The following PLEKHA7 variants were observed in gnomAD, a reference collection of about 807,000 sequenced individuals.
PLEKHA7 encodes the protein pleckstrin homology domain containing A7.
Under a neutral mutation model 170.0 loss-of-function variants are expected in PLEKHA7, and 104 were observed. The ratio of observed to expected loss-of-function variants is 0.61; its 90% CI spans 0.52 to 0.72. PLEKHA7 has a LOEUF of 0.72. Among genes scored for constraint, PLEKHA7 ranks in the 30% least tolerant of loss-of-function variants. PLEKHA7 has a pLI of 0.00. For synonymous variants in PLEKHA7, 648 were observed against 660.8 expected (o/e 0.98, Z 0.30); for missense variants, 1,615 against 1,671.7 (o/e 0.97, Z 0.59).
rs1447720234 is a variant in PLEKHA7, at chr11:16,794,533, T to G, written c.2700A>C (p.Lys900Asn). The change falls in exon 19 of 27, where the codon AAA becomes AAC. Residue 900 changes from lysine (K) to asparagine (N), a missense_variant. By Grantham distance (94) the Lys-to-Asn change is moderately conservative. Coordinates refer to ENST00000531066, the MANE Select transcript of PLEKHA7 (RefSeq NM_001329630.2). Reference protein sequence around the residue: ...PYRPHPPQLRKVTSPLQSPTK... With the variant: ...PYRPHPPQLRNVTSPLQSPTK... ...TTGGTGACTGAAGGGGGGATGTCAC[T>G]TTCCTCAGCTGGGGTGGGTGAGGTC... 2 of 1,613,856 alleles carry G rather than the reference T, an allele frequency of 1.2e-6. No individual in the cohort carries two copies. Among genetic ancestry groups the G allele is most frequent in the Non-Finnish European group, 1.7e-6 (2 of 1,180,006 alleles).
intron 3 of PLEKHA7, among the ~76,000 whole-genome samples, chr11:16,970,301 A>C (rs1165734920): frequency 4.6e-5 from 7 of 152,302 alleles, no homozygotes; most frequent in Middle Eastern, 3.4e-3. Flanking sequence ...CTCAGCTTCC[A>C]ACCTTTATAA....
Position 16,846,497 on chromosome 11 carries a change from CT to C in PLEKHA7, c.696+4693del, listed in dbSNP as rs1852421603. On this transcript the variant is annotated intron_variant, in intron 8 of 26. Coordinates refer to ENST00000531066, the MANE Select transcript of PLEKHA7 (RefSeq NM_001329630.2). ...GGGTAAATTACTCAACCTCCTCATGCTTGTTTCCTCATATTTAAAATGGAAC... is the reference window on the plus strand; with the variant it reads ...GGGTAAATTACTCAACCTCCTCATGCTGTTTCCTCATATTTAAAATGGAAC... Among the ~76,000 whole-genome samples the C allele has an allele frequency of 2.6e-5, 4 of 152,246 alleles. No homozygotes were observed. The East Asian group carries it at 7.7e-4, about 29-fold the overall frequency.
intron 3 of PLEKHA7, among the ~76,000 whole-genome samples, chr11:16,897,305 C>T (rs1397315006): frequency 1.3e-5 from 2 of 152,164 alleles, no homozygotes; most frequent in East Asian, 1.9e-4. Context: ...GGGCGAGAGA[C>T]GTCATCATCT....
At chr11:16,982,780 TAC>T (rs35725815) in intron 3 of PLEKHA7, among the ~76,000 whole-genome samples, 3 of 144,118 alleles carry the variant, frequency 2.1e-5, no homozygotes, top group Admixed American at 7.0e-5. Context: ...CACTATCCCC[TAC>T]ACACACACAC....
intron 3 of PLEKHA7, among the ~76,000 whole-genome samples, chr11:16,898,876 C>A (rs1857153680): frequency 6.6e-6 from 1 of 152,212 alleles, no homozygotes; most frequent in South Asian, 2.1e-4. Context: ...TCACTCTGCT[C>A]TGCATGAACC....
At chr11:17,000,887 G>A (rs567692200) in intron 3 of PLEKHA7, among the ~76,000 whole-genome samples, 39 of 152,236 alleles carry the variant, frequency 2.6e-4, no homozygotes, top group African/African-American at 8.7e-4. Context: ...GGAATTCAGG[G>A]AGCCCTCTAG....
At chr11:17,012,034 T>C (rs1236925463) in intron 3 of PLEKHA7, among the ~76,000 whole-genome samples, 1 of 152,176 alleles carries the variant, frequency 6.6e-6, no homozygotes, top group Admixed American at 6.5e-5. Flanking sequence ...CACTACTCCC[T>C]GTCTACTGTG....
chr11:16,789,160 C>T lies in PLEKHA7; in HGVS notation c.3293G>A (p.Gly1098Glu), dbSNP rs770581826. The T allele has an allele frequency of 3.7e-6, 6 of 1,612,018 alleles. No homozygotes were observed. Among genetic ancestry groups the T allele is most frequent in the Non-Finnish European group, 4.2e-6 (5 of 1,180,044 alleles). The change falls in exon 23 of 27, where the codon GGG becomes GAG. Residue 1098 changes from glycine (G) to glutamate (E), a missense_variant. By Grantham distance (98) the Gly-to-Glu change is moderately conservative. Coordinates refer to ENST00000531066, the MANE Select transcript of PLEKHA7 (RefSeq NM_001329630.2). This position sits in a 1 kb window ranked among gnomAD's most constrained non-coding sequence, Gnocchi z 4.6. ...AGATGAGGGCAGGCCCGTCCTCTCC[C>T]CTTGGCCCAGTGTCCTCTTGCGCTC... ...VRERKRTLGQ[G>E]ERTGLPSSRY... is the part of the protein sequence containing the mutation.
intron 3 of PLEKHA7, among the ~76,000 whole-genome samples, chr11:16,960,746 G>A (rs960515435): frequency 1.3e-5 from 2 of 152,216 alleles, no homozygotes; most frequent in South Asian, 4.2e-4. Context: ...AAACAACAAC[G>A]ACTGTGTAAC....
At chr11:16,948,792 C>G (rs1292189423) in intron 3 of PLEKHA7, among the ~76,000 whole-genome samples, 1 of 152,192 alleles carries the variant, frequency 6.6e-6, no homozygotes, top group Non-Finnish European at 1.5e-5. Flanking sequence ...TTTAGCAGAA[C>G]TTGATCATGA....
chr11:16,825,908 G>A (rs982335935), intron 10 of PLEKHA7, among the ~76,000 whole-genome samples: 1 of 152,200 alleles, frequency 6.6e-6, no homozygotes, highest in African/African-American at 2.4e-5. Context: ...GCTGTGTGCT[G>A]TGGGCAGGTT....
chr11:16,865,516 A>G (rs1188566629), intron 4 of PLEKHA7, among the ~76,000 whole-genome samples: 1 of 152,128 alleles, frequency 6.6e-6, no homozygotes, highest in Non-Finnish European at 1.5e-5. Context: ...TTGAGGCTAG[A>G]AGTTCAAGAC....
chr11:16,858,799 A>C (rs568824856), intron 4 of PLEKHA7, among the ~76,000 whole-genome samples: 1 of 152,286 alleles, frequency 6.6e-6, no homozygotes, highest in Admixed American at 6.5e-5. Flanking sequence ...ACCTAAAAAA[A>C]GATTTTTAAA....
chr11:16,803,967 A>C (rs543402816), intron 13 of PLEKHA7, among the ~76,000 whole-genome samples: 1 of 152,184 alleles, frequency 6.6e-6, no homozygotes, highest in East Asian at 1.9e-4. Flanking sequence ...GCAATATACA[A>C]AAGTCACCCA....
Position 16,794,393 on chromosome 11 carries a change from T to G in PLEKHA7, c.2745+95A>C, listed in dbSNP as rs1848066309. 6.2e-6 allele frequency: 8 copies of G among 1,284,472 alleles called. No homozygotes were observed. The South Asian group carries it at 8.4e-5, about 13-fold the overall frequency. The allele number at this position is 1,284,472 out of a possible 1,614,324, so 79.6% of individuals were successfully genotyped here. ...CTTTAGGACGCTGGCTGGGTCCATT[T>G]CCCCAAGTTTTCCCAGGAGTTTCTC... On this transcript the variant is annotated intron_variant, in intron 19 of 26. Transcript: ENST00000531066.
In PLEKHA7 at chr11:16,951,632, T is replaced by C. The variant is rs145282201; in HGVS notation, c.221+62357A>G. On this transcript the variant is annotated intron_variant, in intron 3 of 26. Transcript: ENST00000531066. ...CATGCCATCATCTAGGTAAGCTATG[T>C]AAATGAAAACGTAAAAGTTTAGAGG... Among the ~76,000 whole-genome samples, 1,253 of 152,290 alleles carry C rather than the reference T, an allele frequency of 8.2e-3. 22 individuals are homozygous for C. The highest frequency in any genetic ancestry group is 0.029 in the African/African-American group (1,185 of 41,556).
chr11:16,947,933 G>GA (rs1264596157), intron 3 of PLEKHA7, among the ~76,000 whole-genome samples: 2 of 141,532 alleles, frequency 1.4e-5, no homozygotes, highest in Admixed American at 7.1e-5. Flanking sequence ...AAAAAAAAAA[G>GA]AAAAAAAAGA....
intron 3 of PLEKHA7, among the ~76,000 whole-genome samples, chr11:16,995,048 AC>A (rs1864258507): frequency 6.6e-6 from 1 of 152,204 alleles, no homozygotes; most frequent in African/African-American, 2.4e-5. Context: ...TATCCTACAC[AC>A]AGTAGTACTT....
At chr11:16,869,237 T>C (rs1007693638) in intron 4 of PLEKHA7, among the ~76,000 whole-genome samples, 6 of 152,202 alleles carry the variant, frequency 3.9e-5, no homozygotes, top group Non-Finnish European at 8.8e-5. Flanking sequence ...CAAAGTCAGA[T>C]TCCCAACCCC....
Sources: allele counts gnomAD v4.1 joint callset (sites outside exome capture counted in the v4.1 genomes callset), GRCh38; gene constraint gnomAD v4.1.1; non-coding constraint Gnocchi (gnomAD v3.1); transcripts MANE v1.5; gene names NCBI Gene and HGNC (gene_info 2026-07-23, HGNC 2026-07-21).